The following SYNE1 variants were observed in gnomAD, a reference collection of about 807,000 sequenced individuals.
SYNE1 encodes nesprin-1.
In SYNE1, 616 loss-of-function variants were observed where a neutral mutation model predicts 1,111.0. The ratio of observed to expected loss-of-function variants is 0.55; its 90% CI spans 0.52 to 0.59. SYNE1 has a LOEUF of 0.59. SYNE1 is among the 20% of genes least tolerant of loss of function. The pLI is 0.00. For synonymous variants in SYNE1, 3,855 were observed against 3,825.8 expected (o/e 1.01, Z -0.28); for missense variants, 10,006 against 10,417.0 (o/e 0.96, Z 1.72).
chr6:152,560,336 C>T (rs1010541163), intron 3 of SYNE1, among the ~76,000 whole-genome samples: 3 of 151,744 alleles, frequency 2.0e-5, no homozygotes, highest in Admixed American at 6.6e-5. Context: ...ATTGCACTCC[C>T]GCCTGTGTGA....
Position 152,584,298 on chromosome 6 carries a change from G to A in SYNE1, c.67+43967C>T, listed in dbSNP as rs375142752. Among the ~76,000 whole-genome samples, 6 of 152,046 alleles carry A rather than the reference G, an allele frequency of 3.9e-5. No individual in the cohort carries two copies. The South Asian group carries it at 8.3e-4, about 21-fold the overall frequency. On this transcript the variant is annotated intron_variant, in intron 3 of 145. Coordinates refer to ENST00000367255, the MANE Select transcript of SYNE1 (RefSeq NM_182961.4). ...AGAGAAAGAAAGAGATCACAAAATC[G>A]GATCATACTATACTTTAACTTTTTA...
intron 3 of SYNE1, among the ~76,000 whole-genome samples, chr6:152,565,539 A>C (rs1480652781): frequency 6.6e-6 from 1 of 152,112 alleles, no homozygotes; most frequent in African/African-American, 2.4e-5. Flanking sequence ...TTCAACATTA[A>C]ATCTTCAACC....
chr6:152,498,248 C>T (rs2099010340), intron 11 of SYNE1, among the ~76,000 whole-genome samples: 1 of 152,152 alleles, frequency 6.6e-6, no homozygotes, highest in South Asian at 2.1e-4. Context: ...ATCTTTTGAG[C>T]ACCCATGACA....
At chr6:152,323,265 C>T (rs1477724753) in intron 82 of SYNE1, among the ~76,000 whole-genome samples, 2 of 152,036 alleles carry the variant, frequency 1.3e-5, no homozygotes, top group South Asian at 2.1e-4. Flanking sequence ...GGTGAAACCC[C>T]GTCTCTACTA....
chr6:152,583,791 C>T (rs751987159), intron 3 of SYNE1, among the ~76,000 whole-genome samples: 11 of 152,188 alleles, frequency 7.2e-5, no homozygotes, highest in Non-Finnish European at 1.5e-4. Flanking sequence ...TTTATCAGCT[C>T]TTTTCCTGAG....
chr6:152,536,574 C>T (rs1173515859), intron 4 of SYNE1, among the ~76,000 whole-genome samples: 3 of 150,372 alleles, frequency 2.0e-5, no homozygotes, highest in Non-Finnish European at 3.0e-5. Context: ...CTCCCAATGG[C>T]GGCCAATGAC....
Position 152,347,682 on chromosome 6 carries a change from C to CTT in SYNE1, c.11902-449_11902-448dup, listed in dbSNP as rs11451810. On this transcript the variant is annotated intron_variant, in intron 72 of 145. Transcript: ENST00000367255. ...AAAAGTAGTTGTGTTTTTTGTCATT[C>CTT]TTTTTTTTTTTTTTTTAAGACAGAG... Among the ~76,000 whole-genome samples, 445 of 138,980 alleles carry CTT rather than the reference C, an allele frequency of 3.2e-3. 9 individuals carry two copies. In the East Asian group the frequency reaches 0.052, roughly 16 times the overall value. 91.2% of individuals were successfully genotyped at this position (138,980 alleles called of 152,430 possible).
chr6:152,309,613 A>G (rs1293518587), intron 90 of SYNE1, among the ~76,000 whole-genome samples: 1 of 152,230 alleles, frequency 6.6e-6, no homozygotes, highest in Non-Finnish European at 1.5e-5. Flanking sequence ...AAATATCACT[A>G]AAAGATAATT....
chr6:152,284,896 G>T (rs992480114), intron 95 of SYNE1, among the ~76,000 whole-genome samples: 3 of 151,812 alleles, frequency 2.0e-5, no homozygotes, highest in Admixed American at 6.6e-5. Flanking sequence ...TCACAGGATG[G>T]GAGAAACCTG....
At position 152,444,419 on chromosome 6, in the gene SYNE1, G is replaced by T. The variant is rs1214631526; in HGVS notation, c.3829C>A (p.His1277Asn). ...NLFEAQQLLLHHQQKTKRISA... is the reference protein window; with the variant it reads ...NLFEAQQLLLNHQQKTKRISA... The stretch of plus-strand genomic sequence containing the variant: ...GAAAGAGGCATTTTTACCTGGTGAT[G>T]AAGAAGTAACTGCTGTGCTTCAAAC... Residue 1277 changes from histidine (H) to asparagine (N), a missense_variant, in exon 30 of 146, where the codon CAT becomes AAT. By Grantham distance (68) the His-to-Asn change is moderately conservative. This residue lies in a region of SYNE1 where 1,971 missense variants were observed against 2,084.1 expected (regional missense o/e 0.95). Coordinates refer to ENST00000367255, the MANE Select transcript of SYNE1 (RefSeq NM_182961.4). The T allele has an allele frequency of 5.0e-6, 8 of 1,613,756 alleles. No homozygotes were observed. The highest frequency in any genetic ancestry group is 6.8e-6 in the Non-Finnish European group (8 of 1,179,918).
chr6:152,320,384 T>A (rs530475915), intron 84 of SYNE1, among the ~76,000 whole-genome samples: 1 of 152,150 alleles, frequency 6.6e-6, no homozygotes, highest in Admixed American at 6.6e-5. Flanking sequence ...ACTGTATGAG[T>A]TTTACAGTTT....
intron 5 of SYNE1, among the ~76,000 whole-genome samples, chr6:152,524,519 A>T (rs531388671): frequency 6.6e-6 from 1 of 152,096 alleles, no homozygotes; most frequent in South Asian, 2.1e-4. Flanking sequence ...ATGTATTTCA[A>T]TCTAATGACT....
At chr6:152,510,908 G>A in intron 7 of SYNE1, 103 bp downstream of exon 7, 1 of 1,056,782 alleles carries the variant, frequency 9.5e-7, no homozygotes. Context: ...CTAAGTTAAG[G>A]ATCAACCCCA....
chr6:152,177,855 T>A (rs1386828685), intron 129 of SYNE1, among the ~76,000 whole-genome samples: 1 of 152,226 alleles, frequency 6.6e-6, no homozygotes, highest in African/African-American at 2.4e-5. Context: ...TTTTTGAGTG[T>A]TAATACCAAC....
At chr6:152,517,088 T>C (rs937119343) in intron 6 of SYNE1, among the ~76,000 whole-genome samples, 24 of 152,264 alleles carry the variant, frequency 1.6e-4, no homozygotes, top group Non-Finnish European at 3.4e-4. Context: ...GCATGAAATT[T>C]GCACAATTGA....
At chr6:152,231,021 C>T (rs910511658) in intron 114 of SYNE1, among the ~76,000 whole-genome samples, 2 of 151,956 alleles carry the variant, frequency 1.3e-5, no homozygotes, top group Non-Finnish European at 2.9e-5. Flanking sequence ...CATTCAAGGC[C>T]GTCCTGGGCC....
chr6:152,447,715 T>C, intron 28 of SYNE1, 93 bp from the exon 29 acceptor site: 1 of 1,465,090 alleles, frequency 6.8e-7, no homozygotes, highest in Non-Finnish European at 9.5e-7. Flanking sequence ...GGTTTGCAGG[T>C]GGAGCAGAAT....
At chr6:152,589,049 A>C (rs2099549571) in intron 3 of SYNE1, among the ~76,000 whole-genome samples, 1 of 151,848 alleles carries the variant, frequency 6.6e-6, no homozygotes, top group Non-Finnish European at 1.5e-5. Context: ...TCCCTGGTTC[A>C]AGCAACCCCA....
At chr6:152,441,891 T>C (rs2098533791) in intron 31 of SYNE1, among the ~76,000 whole-genome samples, 184 bp downstream of exon 31, 1 of 152,200 alleles carries the variant, frequency 6.6e-6, no homozygotes, top group African/African-American at 2.4e-5. Context: ...TTGCAAAATG[T>C]GCAACTTCCA....
Sources: gnomAD v4.1 joint callset for allele counts (sites outside exome capture counted in the v4.1 genomes callset) on GRCh38, gnomAD v4.1.1 for gene constraint, gnomAD v4.1.1 regional missense constraint, MANE v1.5 for transcripts, NCBI Gene and HGNC (gene_info 2026-07-23, HGNC 2026-07-21) for gene names.